The following PCDHGA5 variants were observed in gnomAD, a reference collection of about 807,000 sequenced individuals.
PCDHGA5 encodes the protein protocadherin gamma subfamily A, 5, also known as protocadherin gamma-A5.
A neutral mutation model predicts 56.7 loss-of-function variants in PCDHGA5; 36 were observed. That is an observed-to-expected ratio of 0.64 (90% confidence interval 0.49 to 0.84). The LOEUF is 0.84. PCDHGA5 is among the 40% of genes least tolerant of loss of function. PCDHGA5 has a pLI of 0.00. For missense variants in PCDHGA5, 1,305 were observed against 1,201.5 expected, an observed-to-expected ratio of 1.09 and a Z score of -1.27; for synonymous variants, 563 against 520.2, an observed-to-expected ratio of 1.08 and a Z score of -1.12.
At chr5:141,505,816 C>A (rs1236221927) in intron 3 of PCDHGA5, among the ~76,000 whole-genome samples, 2 of 152,178 alleles carry the variant, frequency 1.3e-5, no homozygotes, top group African/African-American at 4.8e-5. Flanking sequence ...CTTGCTCAAT[C>A]TCTCTAAACC....
intron 1 of PCDHGA5, among the ~76,000 whole-genome samples, chr5:141,407,629 G>A (rs1025838649): frequency 1.3e-5 from 2 of 151,940 alleles, no homozygotes; most frequent in African/African-American, 4.8e-5. Context: ...TCTATATCTC[G>A]TATTACTTAA....
chr5:141,393,959 T>G, intron 1 of PCDHGA5: 1 of 1,613,970 alleles, frequency 6.2e-7, no homozygotes, highest in Non-Finnish European at 8.5e-7. Flanking sequence ...ATGGTCAAGT[T>G]GTCTGTTACA....
rs751033345 is a variant in PCDHGA5, at chr5:141,365,500, G to A, written c.1170G>A (p.Leu390=). The A allele has an allele frequency of 6.2e-7, 1 of 1,613,898 alleles. No individual in the cohort carries two copies. The highest frequency in any genetic ancestry group is 8.5e-7 in the Non-Finnish European group (1 of 1,179,892). ...GEIACSIPRN[L]PFKLEKSVDN... ...TTGCATGCTCTATTCCTAGGAATTT[G>A]CCTTTTAAATTGGAGAAGTCAGTTG... Residue 390 remains leucine (L), a synonymous_variant, in exon 1 of 4, where the codon TTG becomes TTA. Coordinates refer to ENST00000518069, the MANE Select transcript of PCDHGA5 (RefSeq NM_018918.3).
At chr5:141,427,890 G>A in intron 1 of PCDHGA5, 1 of 1,566,844 alleles carries the variant, frequency 6.4e-7, no homozygotes, top group Non-Finnish European at 8.7e-7. Flanking sequence ...CCACGACCAG[G>A]GCTCGCCCGC....
rs199698737 is a variant in PCDHGA5, at chr5:141,438,639, C to T, written c.2422-56168C>T. On this transcript the variant is annotated intron_variant, in intron 1 of 3. Transcript: ENST00000518069. ...ATATATATATATATATATATATACA[C>T]ACACACACACACATATATGTATATA... 7.1e-3 allele frequency among the ~76,000 whole-genome samples: 359 copies of T among 50,816 alleles called. 1 individual carries two copies. Among genetic ancestry groups the T allele is most frequent in the South Asian group, 0.017 (27 of 1,588 alleles). The allele number at this position is 50,816 out of a possible 152,430, so 33.3% of individuals were successfully genotyped here.
intron 1 of PCDHGA5, chr5:141,400,525 G>C: frequency 2.5e-6 from 4 of 1,613,908 alleles, no homozygotes; most frequent in Non-Finnish European, 2.5e-6. Flanking sequence ...TCCTGAGTTG[G>C]TGAGTTTCAT....
chr5:141,400,448 A>G (rs750585724), intron 1 of PCDHGA5: 1 of 1,614,078 alleles, frequency 6.2e-7, no homozygotes, highest in Non-Finnish European at 8.5e-7. Flanking sequence ...TCAGGACAAG[A>G]CATACTTTGT....
At chr5:141,424,776 A>C (rs1406581367) in intron 1 of PCDHGA5, 2 of 152,154 alleles carry the variant, frequency 1.3e-5, no homozygotes, top group African/African-American at 4.8e-5. Context: ...CAAATAGTAC[A>C]TTCAGTTCTT....
At position 141,486,735 on chromosome 5, in the gene PCDHGA5, G is replaced by T; in HGVS notation, c.2422-8072G>T. 6.2e-7 allele frequency: 1 copy of T among 1,614,176 alleles called. No individual in the cohort carries two copies. The highest frequency in any genetic ancestry group is 1.1e-5 in the South Asian group (1 of 91,086). On this transcript the variant is annotated intron_variant, in intron 1 of 3. Coordinates refer to ENST00000518069, the MANE Select transcript of PCDHGA5 (RefSeq NM_018918.3). The surrounding 1 kb of genome is among the most constrained non-coding windows in gnomAD (Gnocchi z 5.0). Reference sequence around the variant, plus strand: ...CAGACAGGAGCTGTTCATGCTACTCGATCCTTTGACTATGAGCAAACCCAG... The same window carrying T: ...CAGACAGGAGCTGTTCATGCTACTCTATCCTTTGACTATGAGCAAACCCAG...
chr5:141,415,849 C>A (rs1453652151), intron 1 of PCDHGA5: 2 of 1,230,672 alleles, frequency 1.6e-6, no homozygotes, highest in Non-Finnish European at 2.1e-6. Flanking sequence ...CTTTGCAGAA[C>A]CTTGTAGTTT....
intron 1 of PCDHGA5, among the ~76,000 whole-genome samples, chr5:141,472,437 G>A (rs1332528325): frequency 6.6e-6 from 1 of 152,116 alleles, no homozygotes; most frequent in Non-Finnish European, 1.5e-5. Flanking sequence ...CTACTAGGGA[G>A]GCTGAGGCAG....
At position 141,393,422 on chromosome 5, in the gene PCDHGA5, G is replaced by C. The variant is rs552855100; in HGVS notation, c.2421+26671G>C. 12 of 1,614,042 alleles carry C rather than the reference G, an allele frequency of 7.4e-6. No individual in the cohort carries two copies. The East Asian group carries it at 2.7e-4, about 36-fold the overall frequency. On this transcript the variant is annotated intron_variant, in intron 1 of 3. Coordinates refer to ENST00000518069, the MANE Select transcript of PCDHGA5 (RefSeq NM_018918.3). ...TGCTGGAGCGCGCCCTGGACAGGGA[G>C]GAAGAGGCTGCTCACCACCTGGTCC...
chr5:141,380,680 C>A (rs952566953), intron 1 of PCDHGA5, among the ~76,000 whole-genome samples: 2 of 152,184 alleles, frequency 1.3e-5, no homozygotes, highest in Middle Eastern at 3.2e-3. Context: ...GGTATGTATG[C>A]TTTGTGTTCG....
At chr5:141,389,080 C>T (rs762866893) in intron 1 of PCDHGA5, 8 of 1,613,866 alleles carry the variant, frequency 5.0e-6, no homozygotes, top group African/African-American at 2.7e-5. Flanking sequence ...TCAAGAAACA[C>T]GTATAAATTA....
intron 3 of PCDHGA5, 86 bp downstream of exon 3, chr5:141,505,567 T>C: frequency 6.3e-7 from 1 of 1,599,440 alleles, no homozygotes; most frequent in South Asian, 1.1e-5. Flanking sequence ...ACGGACTGGA[T>C]GTCAAACCTG....
At chr5:141,473,335 C>T (rs1243738475) in intron 1 of PCDHGA5, among the ~76,000 whole-genome samples, 3 of 152,184 alleles carry the variant, frequency 2.0e-5, no homozygotes, top group Non-Finnish European at 4.4e-5. Context: ...GCCTGCTGTG[C>T]TAGACAGTGA....
intron 1 of PCDHGA5, chr5:141,375,273 C>A (rs770340172): frequency 6.2e-7 from 1 of 1,613,854 alleles, no homozygotes; most frequent in South Asian, 1.1e-5. Flanking sequence ...TTGGAAAAAT[C>A]AGTTGGCAAT....
In PCDHGA5 at chr5:141,500,954, C is replaced by T. The variant is rs536993707; in HGVS notation, c.2481-4439C>T. On this transcript the variant is annotated intron_variant, in intron 2 of 3. Coordinates refer to ENST00000518069, the MANE Select transcript of PCDHGA5 (RefSeq NM_018918.3). Reference sequence around the variant, plus strand: ...CGCCATCTCGGCTCACTGCAAGCTCCACCTCCTGGGTTCAAGCAATTCTCC... The same window carrying T: ...CGCCATCTCGGCTCACTGCAAGCTCTACCTCCTGGGTTCAAGCAATTCTCC... Among the ~76,000 whole-genome samples the T allele has an allele frequency of 2.4e-3, 358 of 152,060 alleles. 1 individual carries two copies. The highest frequency in any genetic ancestry group is 4.1e-3 in the Admixed American group (63 of 15,282).
intron 3 of PCDHGA5, among the ~76,000 whole-genome samples, chr5:141,505,989 T>C (rs1275642739): frequency 6.6e-6 from 1 of 152,136 alleles, no homozygotes; most frequent in Non-Finnish European, 1.5e-5. Context: ...ACACCTCCTC[T>C]TTATGCGAGG....
Sources: allele counts gnomAD v4.1 joint callset (sites outside exome capture counted in the v4.1 genomes callset), GRCh38; gene constraint gnomAD v4.1.1; non-coding constraint Gnocchi (gnomAD v3.1); transcripts MANE v1.5; gene names NCBI Gene and HGNC (gene_info 2026-07-23, HGNC 2026-07-21).